Variants in DNAH3 observed in about 807,000 individuals in gnomAD.
DNAH3 encodes dynein axonemal heavy chain 3, also known as axonemal beta dynein heavy chain 3.
In DNAH3, 332 loss-of-function variants were observed where a neutral mutation model predicts 432.5. The ratio of observed to expected loss-of-function variants is 0.77; its 90% CI spans 0.70 to 0.84. The LOEUF (loss-of-function observed/expected upper bound fraction) is 0.84. DNAH3 is among the 40% of genes least tolerant of loss of function. DNAH3 has a pLI of 0.00. For missense variants in DNAH3, 4,861 were observed against 5,114.0 expected, an observed-to-expected ratio of 0.95 and a Z score of 1.51; for synonymous variants, 1,956 against 1,900.2, an observed-to-expected ratio of 1.03 and a Z score of -0.76.
At chr16:21,019,660 C>T (rs759608430) in exon 41 of DNAH3, 96 of 1,613,950 alleles carry the variant, frequency 5.9e-5, no homozygotes, top group East Asian at 6.7e-5. Flanking sequence ...GTGAGTTTGA[C>T]GCTTTTGGGC....
chr16:21,017,438 G>A (rs2087915992), intron 41 of DNAH3, among the ~76,000 whole-genome samples: 1 of 152,120 alleles, frequency 6.6e-6, no homozygotes, highest in Admixed American at 6.5e-5. Context: ...TTTTGGAGAG[G>A]CTAATCAGAA....
intron 28 of DNAH3, 146 bp from the exon 29 acceptor site, chr16:21,052,014 T>C (rs1023476186): frequency 8.3e-5 from 56 of 676,112 alleles, no homozygotes; most frequent in South Asian, 5.3e-4. Context: ...TTTTTTGCGA[T>C]GGAGTCTCGC....
At chr16:20,989,126 C>G (rs970446697) in intron 44 of DNAH3, among the ~76,000 whole-genome samples, 3 of 152,158 alleles carry the variant, frequency 2.0e-5, no homozygotes, top group Non-Finnish European at 4.4e-5. Flanking sequence ...ACTGCTGGCT[C>G]GGGCAGCCTG....
chr16:21,081,625 T>TA lies in DNAH3; in HGVS notation c.2969+10dup. The TA allele has an allele frequency of 6.2e-7, 1 of 1,610,956 alleles. No homozygotes were observed. ...CCAAAACCTTATCTGAAGGAGGGGA[T>TA]AAGCCCTTACTTTTCAACGAATTTG... On this transcript the variant is annotated intron_variant, in intron 20 of 61. Coordinates refer to ENST00000261383, the Ensembl canonical transcript of DNAH3.
chr16:21,155,941 A>T (rs1364477839), intron 1 of DNAH3, among the ~76,000 whole-genome samples: 1 of 152,174 alleles, frequency 6.6e-6, no homozygotes, highest in Non-Finnish European at 1.5e-5. Flanking sequence ...GCAGAGCAAC[A>T]GTTTCAATCC....
chr16:20,954,871 T>C, exon 55 of DNAH3: 1 of 1,614,154 alleles, frequency 6.2e-7, no homozygotes, highest in South Asian at 1.1e-5. Context: ...AAAGGCCAAA[T>C]AACATCTTTT....
chr16:21,140,447 G>T (rs2092704267), intron 5 of DNAH3, 89 bp downstream of exon 6: 4 of 1,376,908 alleles, frequency 2.9e-6, no homozygotes, highest in Admixed American at 3.9e-5. Flanking sequence ...TTTCCCAGGT[G>T]ATTCTGCTGT....
At chr16:20,998,772 C>A (rs1380247742) in intron 43 of DNAH3, among the ~76,000 whole-genome samples, 4 of 140,254 alleles carry the variant, frequency 2.9e-5, no homozygotes, top group Non-Finnish European at 6.2e-5. Flanking sequence ...AAGGGGGGGG[C>A]TCCTTTAGTT....
exon 53 of DNAH3, chr16:20,964,564 G>A: frequency 6.2e-7 from 1 of 1,614,214 alleles, no homozygotes; most frequent in Non-Finnish European, 8.5e-7. Context: ...GTTGCTATCA[G>A]AGAACTTGAT....
exon 56 of DNAH3, chr16:20,952,483 A>T: frequency 6.2e-7 from 1 of 1,613,636 alleles, no homozygotes; most frequent in Non-Finnish European, 8.5e-7. Context: ...GTCATTGAGA[A>T]ACATCTGGAT....
In DNAH3 at chr16:21,087,035, C is replaced by T. The variant is rs1225831378; in HGVS notation, c.2691G>A (p.Glu897=). 8.7e-6 allele frequency: 14 copies of T among 1,613,922 alleles called. No individual in the cohort carries two copies. The Admixed American group carries it at 2.2e-4, about 25-fold the overall frequency. ...TATTCCCTATCTCCTCCGCAATTTGCTCAGCATTCAGTAAGAAGAGGGGTC... is the reference window on the plus strand; with the variant it reads ...TATTCCCTATCTCCTCCGCAATTTGTTCAGCATTCAGTAAGAAGAGGGGTC... The change falls in exon 19 of 62, where the codon GAG becomes GAA. Residue 897 remains glutamate (E), a synonymous_variant. Transcript: ENST00000261383.
chr16:21,139,134 T>C (rs1337732098), intron 5 of DNAH3, among the ~76,000 whole-genome samples: 2 of 152,098 alleles, frequency 1.3e-5, no homozygotes, highest in Non-Finnish European at 2.9e-5. Context: ...AACATCTATC[T>C]AGAGCCAGGC....
chr16:21,094,854 C>G (rs1272515825), intron 18 of DNAH3, among the ~76,000 whole-genome samples: 1 of 152,086 alleles, frequency 6.6e-6, no homozygotes, highest in Non-Finnish European at 1.5e-5. Context: ...GTGAATAAGT[C>G]TCATGAGAAC....
At chr16:20,934,600 C>T (rs2083522403) in intron 61 of DNAH3, among the ~76,000 whole-genome samples, 1 of 152,182 alleles carries the variant, frequency 6.6e-6, no homozygotes, top group South Asian at 2.1e-4. Context: ...GGTGTGGTTT[C>T]TCCTGAATGT....
intron 50 of DNAH3, among the ~76,000 whole-genome samples, chr16:20,975,703 A>G (rs1297137278): frequency 6.6e-6 from 1 of 152,150 alleles, no homozygotes; most frequent in East Asian, 1.9e-4. Context: ...CACTGAGTCT[A>G]TATTGTAGTG....
At chr16:21,076,786 T>G (rs1477007097) in intron 20 of DNAH3, among the ~76,000 whole-genome samples, 1 of 152,200 alleles carries the variant, frequency 6.6e-6, no homozygotes, top group African/African-American at 2.4e-5. Context: ...TCATTCTATT[T>G]TGGAAAACAG....
chr16:21,116,401 A>G (rs747400826), intron 12 of DNAH3, among the ~76,000 whole-genome samples: 5 of 151,958 alleles, frequency 3.3e-5, no homozygotes, highest in Non-Finnish European at 7.4e-5. Flanking sequence ...CTGATGGTTT[A>G]TAAGAGGCTT....
intron 23 of DNAH3, among the ~76,000 whole-genome samples, chr16:21,068,806 C>CA (rs775822195): frequency 1.3e-5 from 2 of 152,096 alleles, no homozygotes; most frequent in African/African-American, 2.4e-5. Flanking sequence ...TATCCTGTAA[C>CA]AAATACAACC....
At chr16:20,997,674 C>T (rs1026249984) in intron 43 of DNAH3, among the ~76,000 whole-genome samples, 2 of 151,926 alleles carry the variant, frequency 1.3e-5, no homozygotes, top group Admixed American at 6.6e-5. Context: ...TCTCTGTCCA[C>T]GTGACTATAA....
Sources: allele counts gnomAD v4.1 joint callset (sites outside exome capture counted in the v4.1 genomes callset), GRCh38; gene constraint gnomAD v4.1.1; transcripts MANE v1.5; gene names NCBI Gene and HGNC (gene_info 2026-07-23, HGNC 2026-07-21).